PTPRF: variants seen among roughly 807,000 people sequenced by gnomAD.
PTPRF encodes protein tyrosine phosphatase receptor type F.
Under a neutral mutation model 201.8 loss-of-function variants are expected in PTPRF, and 59 were observed. That is an observed-to-expected ratio of 0.29 (90% confidence interval 0.24 to 0.36). PTPRF has a LOEUF of 0.36. PTPRF is among the 10% of genes least tolerant of loss of function. The pLI is 1.00. For synonymous variants in PTPRF, 1,088 were observed against 1,089.7 expected, an observed-to-expected ratio of 1.00 and a Z score of 0.03; for missense variants, 2,132 against 2,690.5, an observed-to-expected ratio of 0.79 and a Z score of 4.59.
chr1:43,568,707 C>T (rs905825788), intron 5 of PTPRF, among the ~76,000 whole-genome samples: 5 of 152,150 alleles, frequency 3.3e-5, no homozygotes, highest in African/African-American at 1.2e-4. Context: ...CCCTGCAGCC[C>T]CTCGGGGCTG....
intron 6 of PTPRF, among the ~76,000 whole-genome samples, chr1:43,577,487 G>A (rs747101190): frequency 6.6e-6 from 1 of 152,224 alleles, no homozygotes; most frequent in African/African-American, 2.4e-5. Flanking sequence ...CCAGCCCCCT[G>A]GGGGTTCCCA....
chr1:43,591,587 G>A lies in PTPRF; in HGVS notation c.1531+34G>A, dbSNP rs367616469. 111 of 1,519,524 alleles carry A rather than the reference G, an allele frequency of 7.3e-5. No individual in the cohort carries two copies. The African/African-American group carries it at 1.4e-3, about 19-fold the overall frequency. The allele number at this position is 1,519,524 out of a possible 1,614,324, so 94.1% of individuals were successfully genotyped here. On this transcript the variant is annotated intron_variant, in intron 9 of 33. Coordinates refer to ENST00000359947, the MANE Select transcript of PTPRF (RefSeq NM_002840.5). ...GGGCATGCCGGCTGGGCAGCCAACAGCAGAGAAGGGGAGGCTGAGGTTGTG... is the reference window on the plus strand; with the variant it reads ...GGGCATGCCGGCTGGGCAGCCAACAACAGAGAAGGGGAGGCTGAGGTTGTG...
chr1:43,571,605 G>T (rs141137358), intron 6 of PTPRF, among the ~76,000 whole-genome samples: 36 of 152,294 alleles, frequency 2.4e-4, no homozygotes, highest in African/African-American at 8.4e-4. Context: ...TACCACCCTC[G>T]TGGCTCTCAA....
At position 43,591,357 on chromosome 1, in the gene PTPRF, G is replaced by T. The variant is rs576428310; in HGVS notation, c.1335G>T (p.Arg445=). 52 of 1,553,754 alleles carry T rather than the reference G, an allele frequency of 3.3e-5. 1 individual carries two copies. In the South Asian group the frequency reaches 5.8e-4, roughly 17 times the overall value. Residue 445 remains arginine, a synonymous_variant, in exon 9 of 34, where the codon CGG becomes CGT. Transcript: ENST00000359947. ...EPPEEPNGLV[R]GYRVYYTPDS... is the part of the protein sequence containing the mutation. ...CCGAGGAGCCCAACGGCCTGGTGCG[G>T]GGATACCGCGTCTACTATACTCCGG...
At position 43,605,303 on chromosome 1, in the gene PTPRF, C is replaced by T. The variant is rs563797561; in HGVS notation, c.3249C>T (p.Ser1083=). Residue 1083 remains serine, a synonymous_variant, in exon 18 of 34, where the codon AGC becomes AGT. Transcript: ENST00000359947. The stretch of plus-strand genomic sequence containing the variant: ...TTGTGCTGATGAACCGTGGCAGCAG[C>T]GCAGGGGGCCTGCAGCACCTGGTGT... ...YSFVLMNRGS[S]AGGLQHLVSI... 20 of 1,613,474 alleles carry T rather than the reference C, an allele frequency of 1.2e-5. No homozygotes were observed. Among genetic ancestry groups the T allele is most frequent in the East Asian group, 6.7e-5 (3 of 44,856 alleles).
At chr1:43,543,514 G>A (rs945142161) in intron 2 of PTPRF, among the ~76,000 whole-genome samples, 11 of 152,250 alleles carry the variant, frequency 7.2e-5, no homozygotes, top group East Asian at 1.9e-4. Context: ...TGGGATCCTG[G>A]GACAGGGGAC....
chr1:43,595,977 A>G (rs1370441222), intron 11 of PTPRF, among the ~76,000 whole-genome samples: 1 of 152,162 alleles, frequency 6.6e-6, no homozygotes, highest in Non-Finnish European at 1.5e-5. Flanking sequence ...ACGTGTGCAT[A>G]GGACGCCAGC....
intron 7 of PTPRF, among the ~76,000 whole-genome samples, chr1:43,584,345 G>T (rs184797979): frequency 6.6e-6 from 1 of 152,190 alleles, no homozygotes; most frequent in Admixed American, 6.5e-5. Flanking sequence ...TCGAGAGGAG[G>T]GCTATAGCCT....
Position 43,561,591 on chromosome 1 carries a change from C to T in PTPRF, c.379+7650C>T, listed in dbSNP as rs568130815. 1.4e-4 allele frequency among the ~76,000 whole-genome samples: 21 copies of T among 152,268 alleles called. No individual in the cohort carries two copies. In the South Asian group the frequency reaches 4.1e-3, roughly 30 times the overall value. On this transcript the variant is annotated intron_variant, in intron 5 of 33. Coordinates refer to ENST00000359947, the MANE Select transcript of PTPRF (RefSeq NM_002840.5). ...CTGGAACCCAAGCCAGCTTCTACCTCTCCCTTAGCAACTGAGGCATGACCT... is the reference window on the plus strand; with the variant it reads ...CTGGAACCCAAGCCAGCTTCTACCTTTCCCTTAGCAACTGAGGCATGACCT...
chr1:43,598,371 G>A, intron 12 of PTPRF: 1 of 455,822 alleles, frequency 2.2e-6, no homozygotes, highest in Non-Finnish European at 3.9e-6. Context: ...CTCCACGTTG[G>A]CTGGACATTG....
At chr1:43,522,550 A>C (rs1261230278), upstream of PTPRF, among the ~76,000 whole-genome samples, 1 of 152,252 alleles carries the variant, frequency 6.6e-6, no homozygotes, top group Non-Finnish European at 1.5e-5. Context: ...CAATCCATTA[A>C]ATGTGTAACA....
At position 43,622,212 on chromosome 1, in the gene PTPRF, A is replaced by G; in HGVS notation, c.*209A>G. 1 of 589,394 alleles carries G rather than the reference A, an allele frequency of 1.7e-6. No individual in the cohort carries two copies. The highest frequency in any genetic ancestry group is 3.0e-6 in the Non-Finnish European group (1 of 333,266). The allele number at this position is 589,394 out of a possible 1,614,324, so 36.5% of individuals were successfully genotyped here. A position where few individuals can be genotyped will look rare whatever the true frequency, so the allele number is the denominator to read the frequency against. ...TGGGCAAGTGGATGGCCCAGCAGGC[A>G]GGCACTGTGGCCCTTCTGTCCACCA... On this transcript the variant is annotated 3_prime_UTR_variant, in exon 34 of 34. Transcript: ENST00000359947.
At chr1:43,574,107 C>T (rs1646765856) in intron 6 of PTPRF, among the ~76,000 whole-genome samples, 1 of 147,684 alleles carries the variant, frequency 6.8e-6, no homozygotes, top group African/African-American at 2.5e-5. Context: ...AGCAATTCTC[C>T]TGCCTCATAC....
rs1321195054 is a variant in PTPRF, at chr1:43,620,897, G to A, written c.5424G>A (p.Val1808=). Residue 1808 remains valine (V), a synonymous_variant, in exon 32 of 34, where the codon GTG becomes GTA. Transcript: ENST00000359947. The stretch of plus-strand genomic sequence containing the variant: ...TCACAGACTGGCCAGAGCAGGGCGT[G>A]CCCAAGACAGGCGAGGGATTCATTG... The part of the protein sequence containing the change: ...FQFTDWPEQG[V]PKTGEGFIDF... 2 of 1,614,218 alleles carry A rather than the reference G, an allele frequency of 1.2e-6. No individual in the cohort carries two copies. Among genetic ancestry groups the A allele is most frequent in the Admixed American group, 1.7e-5 (1 of 60,028 alleles).
rs1236632234 is a variant in PTPRF at position 43,532,283 on chromosome 1, C to T, written c.-126+1193C>T. The stretch of plus-strand genomic sequence containing the variant: ...TTTCAAGCCCCCCTGCCCCCCAGTG[C>T]ACGGCCCCTGAGTTGGAGCAGGTTG... On this transcript the variant is annotated intron_variant, in intron 1 of 33. Transcript: ENST00000359947. Among the ~76,000 whole-genome samples the T allele has an allele frequency of 1.3e-5, 2 of 152,210 alleles. 1 individual carries two copies. The highest frequency in any genetic ancestry group is 1.3e-4 in the Admixed American group (2 of 15,290).
At chr1:43,586,385 G>T (rs1246150527) in intron 7 of PTPRF, among the ~76,000 whole-genome samples, 1 of 152,244 alleles carries the variant, frequency 6.6e-6, no homozygotes, top group Non-Finnish European at 1.5e-5. Context: ...CAGAGGGAGG[G>T]CATGCACCGC....
rs146780939 is a variant in PTPRF at position 43,617,534 on chromosome 1, C to T, written c.4161C>T (p.Tyr1387=). The T allele has an allele frequency of 1.1e-4, 175 of 1,614,088 alleles. No individual in the cohort carries two copies. The African/African-American group carries it at 1.6e-3, about 15-fold the overall frequency. The change falls in exon 24 of 34, where the codon TAC becomes TAT. Residue 1387 remains tyrosine (Y), a synonymous_variant. Transcript: ENST00000359947. ...PKNRYANVIA[Y]DHSRVILTSI... Reference sequence around the variant, plus strand: ...ACCGCTATGCGAATGTCATCGCCTACGACCACTCTCGAGTCATCCTTACCT... The same window carrying T: ...ACCGCTATGCGAATGTCATCGCCTATGACCACTCTCGAGTCATCCTTACCT...
At position 43,612,700 on chromosome 1, in the gene PTPRF, A is replaced by G. The variant is rs1002496838; in HGVS notation, c.3974-918A>G. On this transcript the variant is annotated intron_variant, in intron 22 of 33. Transcript: ENST00000359947. ...TGTGTGATGGTGCTGTAAGCAGAAA[A>G]AGTTAACGGGCTTTCTTTTCTTGCC... The G allele has an allele frequency of 3.9e-6, 5 of 1,296,416 alleles. No homozygotes were observed. The African/African-American group carries it at 7.5e-5, about 20-fold the overall frequency. The allele number at this position is 1,296,416 out of a possible 1,614,324, so 80.3% of individuals were successfully genotyped here.
At chr1:43,612,888 A>G in intron 22 of PTPRF, 1 of 1,124,812 alleles carries the variant, frequency 8.9e-7, no homozygotes, top group Non-Finnish European at 1.2e-6. Flanking sequence ...CATCGCCTCC[A>G]TCCTTCCTTG....
Sources: allele counts gnomAD v4.1 joint callset (sites outside exome capture counted in the v4.1 genomes callset), GRCh38; gene constraint gnomAD v4.1.1; transcripts MANE v1.5; gene names NCBI Gene and HGNC (gene_info 2026-07-23, HGNC 2026-07-21).